The following PRKCA variants were observed in gnomAD, a reference collection of about 807,000 sequenced individuals.
PRKCA encodes protein kinase C alpha, also known as protein kinase C alpha type.
In PRKCA, 27 loss-of-function variants were observed where a neutral mutation model predicts 87.0. That is an observed-to-expected ratio of 0.31 (90% CI 0.23 to 0.43). The LOEUF is 0.43. Among genes scored for constraint, PRKCA ranks in the 20% least tolerant of loss-of-function variants. The pLI is 1.00. For missense variants in PRKCA, 518 were observed against 852.3 expected (o/e 0.61, Z 4.88); for synonymous variants, 329 against 311.1 (o/e 1.06, Z -0.61).
intron 2 of PRKCA, among the ~76,000 whole-genome samples, chr17:66,336,370 A>G (rs1462909543): frequency 6.6e-6 from 1 of 152,182 alleles, no homozygotes; most frequent in African/African-American, 2.4e-5. Context: ...CCTGTAAGAG[A>G]TGGGGCTTCT....
chr17:66,652,517 C>G (rs1275577199), intron 5 of PRKCA, among the ~76,000 whole-genome samples: 1 of 151,944 alleles, frequency 6.6e-6, no homozygotes, highest in African/African-American at 2.4e-5. Context: ...CAACCTACTT[C>G]CAAATGGTTC....
rs572348244 is a variant in PRKCA, at chr17:66,792,874, G to A, written c.1854+3895G>A. Among the ~76,000 whole-genome samples, 2 of 152,358 alleles carry A rather than the reference G, an allele frequency of 1.3e-5. No homozygotes were observed. The highest frequency in any genetic ancestry group is 2.9e-5 in the Non-Finnish European group (2 of 68,038). ...TGGCAGTGGCAAGCCTGGAGGCTGA[G>A]ATGTGAGGGAAGAACCTGCCCCTGT... On this transcript the variant is annotated intron_variant, in intron 16 of 16. Transcript: ENST00000413366. This position sits in a 1 kb window ranked among gnomAD's most constrained non-coding sequence, Gnocchi z 4.5.
chr17:66,423,111 CA>C (rs140765115), intron 2 of PRKCA, among the ~76,000 whole-genome samples: 6,446 of 144,262 alleles, frequency 0.045, 192 homozygotes, highest in Admixed American at 0.08. Flanking sequence ...GACCTTGTCT[CA>C]AAAAAAAAAA....
At chr17:66,530,981 G>C (rs1182063119) in intron 3 of PRKCA, among the ~76,000 whole-genome samples, 1 of 152,152 alleles carries the variant, frequency 6.6e-6, no homozygotes, top group Non-Finnish European at 1.5e-5. Flanking sequence ...TGATTACTTA[G>C]ATTTTTTGGG....
chr17:66,587,862 CATATGTAT>C (rs1426431430), intron 3 of PRKCA, among the ~76,000 whole-genome samples: 23 of 51,914 alleles, frequency 4.4e-4, no homozygotes, highest in African/African-American at 1.5e-3. Context: ...TACATATATA[CATATGTAT>C]GTGTGTGTGT....
intron 3 of PRKCA, among the ~76,000 whole-genome samples, chr17:66,507,797 G>A (rs1309148287): frequency 6.6e-6 from 1 of 152,164 alleles, no homozygotes; most frequent in African/African-American, 2.4e-5. Flanking sequence ...GATGAGTCAT[G>A]TTTTTTAGAA....
chr17:66,611,286 A>G (rs571379413), intron 3 of PRKCA, among the ~76,000 whole-genome samples: 2 of 152,294 alleles, frequency 1.3e-5, no homozygotes, highest in South Asian at 4.1e-4. Flanking sequence ...ACCATAATCT[A>G]ATTTTAGGAT....
rs553566557 is a variant in PRKCA at position 66,728,352 on chromosome 17, C to G, written c.919-4336C>G. On this transcript the variant is annotated intron_variant, in intron 8 of 16. Coordinates refer to ENST00000413366, the MANE Select transcript of PRKCA (RefSeq NM_002737.3). ...ACCCCACACACCGGTCTGTCTCCTT[C>G]CCAAACAGCTGCCTGTTCTACCAGC... Among the ~76,000 whole-genome samples the G allele has an allele frequency of 3.2e-4, 48 of 152,310 alleles. 2 individuals are homozygous for G. The East Asian group carries it at 8.3e-3, about 26-fold the overall frequency.
At chr17:66,554,454 G>A in intron 3 of PRKCA, 1 of 749,182 alleles carries the variant, frequency 1.3e-6, no homozygotes, top group Non-Finnish European at 1.6e-6. Context: ...TGGGGCCTGT[G>A]TTTCAAACTT....
intron 3 of PRKCA, among the ~76,000 whole-genome samples, chr17:66,575,321 GT>G (rs1969200991): frequency 6.6e-6 from 1 of 152,244 alleles, no homozygotes; most frequent in Non-Finnish European, 1.5e-5. Flanking sequence ...GCTCATGCCT[GT>G]GATCCCAGCA....
rs1185667945 is a variant in PRKCA, at chr17:66,803,488, C to T, written c.1855-385C>T. On this transcript the variant is annotated intron_variant, in intron 16 of 16. Transcript: ENST00000413366. This position sits in a 1 kb window ranked among gnomAD's most constrained non-coding sequence, Gnocchi z 4.4. ...TTGGTCCAGGGGTAACTGCCTGCAG[C>T]CCCAGCCGACATCCTGGCCTTTCAA... 6.6e-6 allele frequency among the ~76,000 whole-genome samples: 1 copy of T among 152,232 alleles called. No individual in the cohort carries two copies. Among genetic ancestry groups the T allele is most frequent in the Non-Finnish European group, 1.5e-5 (1 of 68,038 alleles).
intron 2 of PRKCA, among the ~76,000 whole-genome samples, chr17:66,372,597 A>C (rs985267114): frequency 6.6e-6 from 1 of 152,124 alleles, no homozygotes; most frequent in African/African-American, 2.4e-5. Context: ...AATTTTGCTC[A>C]TTTTCTTAAA....
At chr17:66,578,161 A>G (rs1195949030) in intron 3 of PRKCA, among the ~76,000 whole-genome samples, 1 of 151,040 alleles carries the variant, frequency 6.6e-6, no homozygotes, top group Admixed American at 6.6e-5. Flanking sequence ...AAAACAAAAC[A>G]GCCCTCATTG....
chr17:66,492,454 A>T (rs1276880098), intron 2 of PRKCA, among the ~76,000 whole-genome samples: 2 of 152,186 alleles, frequency 1.3e-5, no homozygotes, highest in Non-Finnish European at 2.9e-5. Context: ...CTTCCATGGG[A>T]TTTGATAAGT....
chr17:66,507,722 C>T (rs1409553571), intron 3 of PRKCA, among the ~76,000 whole-genome samples: 2 of 152,184 alleles, frequency 1.3e-5, no homozygotes, highest in African/African-American at 2.4e-5. Context: ...CAAGTGTCTA[C>T]ACCCTAAGCT....
chr17:66,304,143 C>T (rs1013247851), intron 1 of PRKCA, among the ~76,000 whole-genome samples: 8 of 152,174 alleles, frequency 5.3e-5, no homozygotes, highest in African/African-American at 1.9e-4. Flanking sequence ...GCATTCTTAA[C>T]TCGGAGGGTC....
At chr17:66,669,628 G>T (rs184858272) in intron 5 of PRKCA, among the ~76,000 whole-genome samples, 4 of 152,106 alleles carry the variant, frequency 2.6e-5, no homozygotes, top group Non-Finnish European at 4.4e-5. Flanking sequence ...GGCTGGGTGC[G>T]GTGGCTCACA....
At chr17:66,375,130 C>T (rs1313475938) in intron 2 of PRKCA, among the ~76,000 whole-genome samples, 2 of 152,024 alleles carry the variant, frequency 1.3e-5, no homozygotes, top group African/African-American at 2.4e-5. Flanking sequence ...ATAGTTTTAC[C>T]TGTATATTCG....
intron 3 of PRKCA, among the ~76,000 whole-genome samples, chr17:66,510,221 A>G (rs1598730823): frequency 6.6e-6 from 1 of 152,218 alleles, no homozygotes. Context: ...CTCAGAATCA[A>G]TACCAGCCAC....
Sources: gnomAD v4.1 joint callset for allele counts (sites outside exome capture counted in the v4.1 genomes callset) on GRCh38, gnomAD v4.1.1 for gene constraint, Gnocchi (gnomAD v3.1) non-coding constraint, MANE v1.5 for transcripts, NCBI Gene and HGNC (gene_info 2026-07-23, HGNC 2026-07-21) for gene names.